The following NANOS3 variants were observed in gnomAD, a reference collection of about 807,000 sequenced individuals.
The protein encoded by NANOS3 is nanos C2HC-type zinc finger 3.
Under a neutral mutation model 13.8 loss-of-function variants are expected in NANOS3, and 11 were observed. The ratio of observed to expected loss-of-function variants is 0.80; its 90% CI spans 0.50 to 1.32. NANOS3 has a LOEUF of 1.32. Among genes scored for constraint, NANOS3 ranks in the 40% most tolerant of loss-of-function variants. The pLI is 0.00. For missense variants in NANOS3, 221 were observed against 263.8 expected, an observed-to-expected ratio of 0.84 and a Z score of 1.12; for synonymous variants, 119 against 115.4, an observed-to-expected ratio of 1.03 and a Z score of -0.20.
chr19:13,872,060 A>C (rs535250188), intron 1 of NANOS3, among the ~76,000 whole-genome samples: 1 of 151,846 alleles, frequency 6.6e-6, no homozygotes, highest in South Asian at 2.1e-4. Context: ...TTTCTTTTTT[A>C]AAGAAACGGG....
intron 1 of NANOS3, 120 bp downstream of exon 1, chr19:13,877,885 A>T: frequency 7.0e-7 from 1 of 1,424,316 alleles, no homozygotes; most frequent in Non-Finnish European, 9.2e-7. Flanking sequence ...GAGAGAGCTT[A>T]GAACAGCAGT....
intron 1 of NANOS3, among the ~76,000 whole-genome samples, chr19:13,869,819 A>G (rs754470586): frequency 7.3e-5 from 11 of 150,736 alleles, no homozygotes; most frequent in Non-Finnish European, 1.6e-4. Context: ...CATACAACAC[A>G]CAGACACACA....
chr19:13,867,087 C>T (rs1190043619), intron 1 of NANOS3, among the ~76,000 whole-genome samples: 1 of 152,088 alleles, frequency 6.6e-6, no homozygotes, highest in African/African-American at 2.4e-5. Flanking sequence ...ATTACAGGCG[C>T]GTGCCACCAC....
chr19:13,865,872 G>A (rs1215840546), intron 1 of NANOS3, among the ~76,000 whole-genome samples: 1 of 151,484 alleles, frequency 6.6e-6, no homozygotes, highest in Non-Finnish European at 1.5e-5. Context: ...TTGTTCTTGG[G>A]GGCGCGGGGC....
chr19:13,880,188 C>G (rs1283615814), intron 1 of NANOS3, among the ~76,000 whole-genome samples: 1 of 152,128 alleles, frequency 6.6e-6, no homozygotes, highest in Non-Finnish European at 1.5e-5. Context: ...GTAACAGATC[C>G]GGGGACCCCA....
At chr19:13,875,686 C>T (rs978139646), upstream of NANOS3, among the ~76,000 whole-genome samples, 8 of 151,908 alleles carry the variant, frequency 5.3e-5, no homozygotes, top group Admixed American at 3.3e-4. Flanking sequence ...GCCGGAACCA[C>T]GGGCACGCAC....
chr19:13,875,700 C>A (rs1968495979), upstream of NANOS3, among the ~76,000 whole-genome samples: 1 of 152,060 alleles, frequency 6.6e-6, no homozygotes, highest in South Asian at 2.1e-4. Context: ...CACGCACCAC[C>A]ACACCTAGCT....
chr19:13,874,861 T>C, upstream of NANOS3: 1 of 525,812 alleles, frequency 1.9e-6, no homozygotes, highest in Non-Finnish European at 4.0e-6. Flanking sequence ...GAGCCCCCAA[T>C]CCAGCCTGGG....
chr19:13,868,403 C>A (rs916154006), intron 1 of NANOS3, among the ~76,000 whole-genome samples: 1 of 151,842 alleles, frequency 6.6e-6, no homozygotes, highest in African/African-American at 2.4e-5. Flanking sequence ...CAGCACTGTT[C>A]TAGCACTGGG....
intron 1 of NANOS3, among the ~76,000 whole-genome samples, chr19:13,866,717 G>A (rs754998868): frequency 1.3e-5 from 2 of 152,180 alleles, no homozygotes; most frequent in African/African-American, 4.8e-5. Context: ...GTCACTCAGG[G>A]TAGCAATGAC....
At chr19:13,867,868 C>T (rs1355482850) in intron 1 of NANOS3, among the ~76,000 whole-genome samples, 1 of 152,104 alleles carries the variant, frequency 6.6e-6, no homozygotes, top group African/African-American at 2.4e-5. Flanking sequence ...TGCCCATCGT[C>T]ACCTACCCTG....
chr19:13,879,918 C>CG (rs943170313), intron 1 of NANOS3, among the ~76,000 whole-genome samples: 7 of 151,948 alleles, frequency 4.6e-5, no homozygotes, highest in Non-Finnish European at 1.0e-4. Flanking sequence ...CCCTGCTACT[C>CG]GGGGGGCTGA....
At chr19:13,876,983 C>A (rs1968525816), upstream of NANOS3, among the ~76,000 whole-genome samples, 1 of 152,126 alleles carries the variant, frequency 6.6e-6, no homozygotes, top group Admixed American at 6.5e-5. Context: ...TCCTGTAGTC[C>A]CCCGGCACAG....
intron 1 of NANOS3, among the ~76,000 whole-genome samples, chr19:13,868,303 C>T (rs1976272730): frequency 1.3e-5 from 2 of 151,962 alleles, no homozygotes; most frequent in Non-Finnish European, 2.9e-5. Flanking sequence ...AGGTGATCCA[C>T]CCACCTCGGT....
At chr19:13,873,232 G>A (rs1421222893), upstream of NANOS3, among the ~76,000 whole-genome samples, 2 of 151,106 alleles carry the variant, frequency 1.3e-5, no homozygotes, top group African/African-American at 2.4e-5. Context: ...GGCAGGGCCT[G>A]GGCTGGGGCC....
chr19:13,866,048 C>T (rs1469421012), intron 1 of NANOS3, among the ~76,000 whole-genome samples: 1 of 152,098 alleles, frequency 6.6e-6, no homozygotes, highest in Non-Finnish European at 1.5e-5. Context: ...TGCAGCCGCG[C>T]CACCTCCGGA....
chr19:13,877,206 C>A lies in NANOS3; in HGVS notation c.-43C>A. Reference sequence around the variant, plus strand: ...AGGGAGCTTAAGCCAGGCAGGGTTACTTGTCTCTGTGACTCCTTCCGCCTG... The same window carrying A: ...AGGGAGCTTAAGCCAGGCAGGGTTAATTGTCTCTGTGACTCCTTCCGCCTG... On this transcript the variant is annotated 5_prime_UTR_variant, in exon 1 of 2. Transcript: ENST00000339133. 6.5e-7 allele frequency: 1 copy of A among 1,539,778 alleles called. No individual in the cohort carries two copies. Among genetic ancestry groups the A allele is most frequent in the Non-Finnish European group, 8.9e-7 (1 of 1,128,552 alleles).
intron 1 of NANOS3, among the ~76,000 whole-genome samples, chr19:13,870,333 G>C (rs1048134580): frequency 1.3e-5 from 2 of 151,962 alleles, no homozygotes; most frequent in Non-Finnish European, 2.9e-5. Context: ...TTCCTGCTTT[G>C]GCCTCCCAAA....
intron 1 of NANOS3, among the ~76,000 whole-genome samples, chr19:13,871,783 G>A (rs929297816): frequency 3.3e-5 from 5 of 152,156 alleles, no homozygotes; most frequent in Non-Finnish European, 5.9e-5. Context: ...CCAGGAGTTC[G>A]CGACCAGCCT....
Sources: gnomAD v4.1 joint callset for allele counts (sites outside exome capture counted in the v4.1 genomes callset) on GRCh38, gnomAD v4.1.1 for gene constraint, MANE v1.5 for transcripts, NCBI Gene and HGNC (gene_info 2026-07-23, HGNC 2026-07-21) for gene names.